WDR3: variants seen among roughly 807,000 people sequenced by gnomAD.
WDR3 encodes the protein WD repeat domain 3.
A neutral mutation model predicts 123.7 loss-of-function variants in WDR3; 81 were observed. The ratio of observed to expected loss-of-function variants is 0.65; its 90% CI spans 0.55 to 0.79. The LOEUF (loss-of-function observed/expected upper bound fraction) is 0.79. Among genes scored for constraint, WDR3 ranks in the 30% least tolerant of loss-of-function variants. The pLI, the probability that WDR3 is intolerant of heterozygous loss-of-function variation, is 0.00. For synonymous variants in WDR3, 390 were observed against 388.8 expected (o/e 1.00, Z -0.04); for missense variants, 1,027 against 1,123.2 (o/e 0.91, Z 1.22).
intron 3 of WDR3, among the ~76,000 whole-genome samples, chr1:117,936,371 CAG>C (rs1005365402): frequency 2.3e-4 from 35 of 151,948 alleles, no homozygotes; most frequent in African/African-American, 8.4e-4. Context: ...ATGTCTGAAA[CAG>C]AAAAATTTTT....
At chr1:117,941,349 T>C in intron 8 of WDR3, 124 bp downstream of exon 8, 1 of 833,826 alleles carries the variant, frequency 1.2e-6, no homozygotes, top group Non-Finnish European at 1.8e-6. Context: ...TATATGGTAC[T>C]GTGTGGACCT....
Position 117,952,331 on chromosome 1 carries a change from CTCT to C in WDR3, c.1945_1947del (p.Phe649del). 6.2e-7 allele frequency: 1 copy of C among 1,613,248 alleles called. No individual in the cohort carries two copies. Among genetic ancestry groups the C allele is most frequent in the African/African-American group, 1.3e-5 (1 of 75,008 alleles). On this transcript the variant is annotated inframe_deletion, in exon 18 of 27. Transcript: ENST00000349139. Reference sequence around the variant, plus strand: ...CCTACAGTTTGTACCCAAGTCTCACCTCTTCTTCACTGCCGGAAAAGATCATAA... The same window carrying C: ...CCTACAGTTTGTACCCAAGTCTCACCTCTTCACTGCCGGAAAAGATCATAA...
chr1:117,951,551 A>C (rs1289372978), intron 16 of WDR3, among the ~76,000 whole-genome samples: 1 of 146,872 alleles, frequency 6.8e-6, no homozygotes, highest in Admixed American at 6.9e-5. Flanking sequence ...TGGACCACGC[A>C]TTGAAATAGG....
rs931483989 is a variant in WDR3 at position 117,941,987 on chromosome 1, C to A, written c.989+140C>A. 10 of 1,337,288 alleles carry A rather than the reference C, an allele frequency of 7.5e-6. No individual in the cohort carries two copies. The African/African-American group carries it at 1.4e-4, about 18-fold the overall frequency. The allele number at this position is 1,337,288 out of a possible 1,614,324, so 82.8% of individuals were successfully genotyped here. On this transcript the variant is annotated intron_variant, in intron 9 of 26. Transcript: ENST00000349139. ...AAAGAACTTGTGAGGTATCGATAAC[C>A]CAAATTTGTCAAGTCTCAGAGAGAC...
chr1:117,953,963 T>G (rs186958350), intron 21 of WDR3, 44 bp from the exon 22 acceptor site: 5 of 1,507,306 alleles, frequency 3.3e-6, no homozygotes, highest in Non-Finnish European at 4.5e-6. Context: ...CCTGGGATGA[T>G]GGAGTATGTT....
rs944743806 is a variant in WDR3 at position 117,964,630 on chromosome 1, T to C, written c.*5183T>C. The C allele has an allele frequency of 6.6e-6, 1 of 152,322 alleles. No homozygotes were observed. The highest frequency in any genetic ancestry group is 1.5e-5 in the Non-Finnish European group (1 of 68,036). The allele number at this position is 152,322 out of a possible 1,614,324, so 9.4% of individuals were successfully genotyped here. ...CAGTGAGGACTTTCCTTTCCTATTTTATATTTTGCTCCATTGTACTTACTG... is the reference window on the plus strand; with the variant it reads ...CAGTGAGGACTTTCCTTTCCTATTTCATATTTTGCTCCATTGTACTTACTG... On this transcript the variant is annotated 3_prime_UTR_variant, in exon 27 of 27. Coordinates refer to ENST00000349139, the MANE Select transcript of WDR3 (RefSeq NM_006784.3).
intron 25 of WDR3, 48 bp from the exon 26 acceptor site, chr1:117,958,862 A>T: frequency 6.8e-7 from 1 of 1,466,840 alleles, no homozygotes; most frequent in Non-Finnish European, 9.4e-7. Flanking sequence ...AGGGTTAAGT[A>T]GGGCTAGAAC....
At chr1:117,934,158 G>T (rs1400033772) in intron 2 of WDR3, among the ~76,000 whole-genome samples, 2 of 152,194 alleles carry the variant, frequency 1.3e-5, no homozygotes, top group African/African-American at 2.4e-5. Flanking sequence ...AAATCACGTA[G>T]TGTTGTTCTA....
Position 117,963,654 on chromosome 1 carries a change from G to C in WDR3, c.*4207G>C. The C allele has an allele frequency of 1.4e-6, 1 of 693,092 alleles. No individual in the cohort carries two copies. The highest frequency in any genetic ancestry group is 2.2e-6 in the Non-Finnish European group (1 of 445,360). The allele number at this position is 693,092 out of a possible 1,614,324, so 42.9% of individuals were successfully genotyped here. A position where few individuals can be genotyped will look rare whatever the true frequency, so the allele number is the denominator to read the frequency against. ...GCTGGGATTACAGGTGTGAGCCACCGGGCCCGGCCTAAACAAATATTTTCA... is the reference window on the plus strand; with the variant it reads ...GCTGGGATTACAGGTGTGAGCCACCCGGCCCGGCCTAAACAAATATTTTCA... On this transcript the variant is annotated 3_prime_UTR_variant, in exon 27 of 27. Coordinates refer to ENST00000349139, the MANE Select transcript of WDR3 (RefSeq NM_006784.3).
Position 117,959,592 on chromosome 1 carries a change from T to C in WDR3, c.*145T>C. 2 of 845,534 alleles carry C rather than the reference T, an allele frequency of 2.4e-6. No individual in the cohort carries two copies. Among genetic ancestry groups the C allele is most frequent in the Non-Finnish European group, 1.7e-6 (1 of 594,502 alleles). 52.4% of individuals were successfully genotyped at this position (845,534 alleles called of 1,614,324 possible). On this transcript the variant is annotated 3_prime_UTR_variant, in exon 27 of 27. Coordinates refer to ENST00000349139, the MANE Select transcript of WDR3 (RefSeq NM_006784.3). Reference sequence around the variant, plus strand: ...GATATCAGGATGTGGTTTCCAGCTTTGCCTGAGGGAATTCCAACATGAGAT... The same window carrying C: ...GATATCAGGATGTGGTTTCCAGCTTCGCCTGAGGGAATTCCAACATGAGAT...
At position 117,961,434 on chromosome 1, in the gene WDR3, T is replaced by C. The variant is rs1653087469; in HGVS notation, c.*1987T>C. On this transcript the variant is annotated 3_prime_UTR_variant, in exon 27 of 27. Coordinates refer to ENST00000349139, the MANE Select transcript of WDR3 (RefSeq NM_006784.3). ...TTGACAGATACCTCTGGGTCTGGGC[T>C]TTTCTTTTGGGGAAGTTTATAAATG... 1 of 152,208 alleles carries C rather than the reference T, an allele frequency of 6.6e-6. No individual in the cohort carries two copies. Among genetic ancestry groups the C allele is most frequent in the Non-Finnish European group, 1.5e-5 (1 of 68,026 alleles). The allele number at this position is 152,208 out of a possible 1,614,324, so 9.4% of individuals were successfully genotyped here.
At chr1:117,932,932 C>G (rs911028476) in intron 1 of WDR3, among the ~76,000 whole-genome samples, 41 of 151,522 alleles carry the variant, frequency 2.7e-4, no homozygotes, top group African/African-American at 9.2e-4. Context: ...CAGTGGCTAA[C>G]ACCTGTAATC....
intron 12 of WDR3, among the ~76,000 whole-genome samples, chr1:117,947,240 C>A (rs1470464144): frequency 2.0e-5 from 3 of 152,152 alleles, no homozygotes; most frequent in Admixed American, 1.3e-4. Flanking sequence ...GCAGACATAG[C>A]AGTAGTGATT....
chr1:117,958,343 C>T (rs1213644053), intron 25 of WDR3, among the ~76,000 whole-genome samples: 1 of 152,124 alleles, frequency 6.6e-6, no homozygotes, highest in Non-Finnish European at 1.5e-5. Flanking sequence ...ATGTTACTAA[C>T]AATTTTTTTT....
intron 16 of WDR3, 126 bp downstream of exon 16, chr1:117,951,016 T>C (rs1238188571): frequency 2.2e-5 from 15 of 680,822 alleles, no homozygotes; most frequent in Non-Finnish European, 3.6e-5. Flanking sequence ...TATATCTTTC[T>C]CCAAAAACAG....
chr1:117,957,228 G>A, intron 25 of WDR3, 32 bp downstream of exon 25: 1 of 1,597,914 alleles, frequency 6.3e-7, no homozygotes, highest in Non-Finnish European at 8.5e-7. Context: ...TACCATGTCT[G>A]TTCAGCAGAA....
rs776647832 is a variant in WDR3, at chr1:117,940,811, C to T, written c.676-16C>T. 1 of 1,587,530 alleles carries T rather than the reference C, an allele frequency of 6.3e-7. No individual in the cohort carries two copies. Among genetic ancestry groups the T allele is most frequent in the Non-Finnish European group, 8.6e-7 (1 of 1,166,768 alleles). On this transcript the variant is annotated splice_polypyrimidine_tract_variant and intron_variant, in intron 6 of 26. Transcript: ENST00000349139. The stretch of plus-strand genomic sequence containing the variant: ...CATACTATTTCAGCTTTTATTTTCT[C>T]ATTTTTATAAAACAGATTGAAGACC...
chr1:117,940,746 CAACAA>C lies in WDR3; in HGVS notation c.676-75_676-71del, dbSNP rs370804329. On this transcript the variant is annotated intron_variant, in intron 6 of 26. Coordinates refer to ENST00000349139, the MANE Select transcript of WDR3 (RefSeq NM_006784.3). ...CTGTCTCCGACAACAACAACAACAA[CAACAA>C]AACAACAACAACAACAACAACATGC... 3.2e-3 allele frequency: 4,103 copies of C among 1,297,404 alleles called. 39 individuals carry two copies. The highest frequency in any genetic ancestry group is 0.031 in the East Asian group (1,321 of 42,914). The allele number at this position is 1,297,404 out of a possible 1,614,324, so 80.4% of individuals were successfully genotyped here.
chr1:117,936,724 T>C, intron 3 of WDR3, 45 bp from the exon 4 acceptor site: 2 of 1,466,104 alleles, frequency 1.4e-6, no homozygotes, highest in Non-Finnish European at 1.9e-6. Flanking sequence ...GGGCCATATA[T>C]GGTAAAGAAA....
Sources: allele counts gnomAD v4.1 joint callset (sites outside exome capture counted in the v4.1 genomes callset), GRCh38; gene constraint gnomAD v4.1.1; transcripts MANE v1.5; gene names NCBI Gene and HGNC (gene_info 2026-07-23, HGNC 2026-07-21).